DPP4: variants seen among roughly 807,000 people sequenced by gnomAD.
The protein encoded by DPP4 is dipeptidyl peptidase 4, also known as ADCP-2.
In DPP4, 93 loss-of-function variants were observed where a neutral mutation model predicts 122.4. The ratio of observed to expected loss-of-function variants is 0.76; its 90% CI spans 0.64 to 0.90. The LOEUF (loss-of-function observed/expected upper bound fraction) is 0.90, where lower values mean the gene tolerates loss of function less well. Among genes scored for constraint, DPP4 ranks in the 40% least tolerant of loss-of-function variants. The pLI is 0.00. For missense variants in DPP4, 914 were observed against 907.3 expected (o/e 1.01, Z -0.09); for synonymous variants, 321 against 302.9 (o/e 1.06, Z -0.62).
intron 2 of DPP4, among the ~76,000 whole-genome samples, chr2:162,072,715 T>TA (rs1177732846): frequency 1.3e-5 from 2 of 152,214 alleles, no homozygotes; most frequent in East Asian, 3.8e-4. Flanking sequence ...TGTGAGTGTT[T>TA]TATACATTTA....
rs1240465683 is a variant in DPP4 at position 162,005,816 on chromosome 2, A to G, written c.1988-7T>C. Reference sequence around the variant, plus strand: ...CGTTCTGTGTACACTGAGTCTGTGAAAGAAAAAAAAATAAAAAAAAGTTTA... The same window carrying G: ...CGTTCTGTGTACACTGAGTCTGTGAGAGAAAAAAAAATAAAAAAAAGTTTA... On this transcript the variant is annotated splice_polypyrimidine_tract_variant and splice_region_variant and intron_variant, in intron 22 of 25. Coordinates refer to ENST00000360534, the MANE Select transcript of DPP4 (RefSeq NM_001935.4). 1 of 1,609,452 alleles carries G rather than the reference A, an allele frequency of 6.2e-7. No individual in the cohort carries two copies. Among genetic ancestry groups the G allele is most frequent in the Non-Finnish European group, 8.5e-7 (1 of 1,178,438 alleles).
At chr2:162,045,789 T>TTCACCCACACAAATGACCGTGATG (rs1684153198) in intron 4 of DPP4, among the ~76,000 whole-genome samples, 177 bp from the exon 5 acceptor site, 1 of 152,086 alleles carries the variant, frequency 6.6e-6, no homozygotes, top group Admixed American at 6.5e-5. Context: ...TAGGTGGCGA[T>TTCACCCACACAAATGACCGTGATG]CAATGTTAGA....
At chr2:162,066,438 C>T (rs1465083204) in intron 2 of DPP4, among the ~76,000 whole-genome samples, 1 of 152,102 alleles carries the variant, frequency 6.6e-6, no homozygotes, top group East Asian at 1.9e-4. Flanking sequence ...CAAAATCATA[C>T]TTGGAATAAG....
At chr2:162,073,293 G>C (rs934690561) in intron 2 of DPP4, 106 bp downstream of exon 2, 2 of 1,093,600 alleles carry the variant, frequency 1.8e-6, no homozygotes, top group African/African-American at 3.1e-5. Context: ...ACACTTCGGG[G>C]CACTGGTCCA....
rs747701215 is a variant in DPP4 at position 162,022,779 on chromosome 2, C to T, written c.1044G>A (p.Met348Ile). Reference protein sequence around the residue: ...NCLVARQHIEMSTTGWVGRFR... With the variant: ...NCLVARQHIEISTTGWVGRFR... ...CTCTTCCAACCCAGCCAGTAGTACTCATTTCAATGTGTTGCCGTGCCTAGG... is the reference window on the plus strand; with the variant it reads ...CTCTTCCAACCCAGCCAGTAGTACTTATTTCAATGTGTTGCCGTGCCTAGG... The change falls in exon 12 of 26, where the codon ATG becomes ATA. Residue 348 changes from methionine to isoleucine, a missense_variant. Transcript: ENST00000360534. 48 of 1,613,894 alleles carry T rather than the reference C, an allele frequency of 3.0e-5. No individual in the cohort carries two copies. Among genetic ancestry groups the T allele is most frequent in the Admixed American group, 1.3e-4 (8 of 60,004 alleles).
intron 22 of DPP4, 139 bp downstream of exon 22, chr2:162,008,423 G>A (rs1030429306): frequency 4.5e-6 from 3 of 664,184 alleles, no homozygotes; most frequent in Non-Finnish European, 7.9e-6. Flanking sequence ...TCTTATTATA[G>A]GTATCCAAAA....
intron 5 of DPP4, among the ~76,000 whole-genome samples, chr2:162,040,016 T>C (rs1340015213): frequency 6.6e-6 from 1 of 152,030 alleles, no homozygotes; most frequent in Non-Finnish European, 1.5e-5. Context: ...TAAGAGGCTA[T>C]TATAAACATT....
intron 2 of DPP4, among the ~76,000 whole-genome samples, chr2:162,052,405 T>C (rs898725253): frequency 8.0e-5 from 12 of 150,156 alleles, no homozygotes; most frequent in Non-Finnish European, 1.6e-4. Context: ...CCTTTCACCA[T>C]GTGGGGATGC....
At chr2:162,051,117 T>C (rs1431735781) in intron 2 of DPP4, among the ~76,000 whole-genome samples, 3 of 152,330 alleles carry the variant, frequency 2.0e-5, no homozygotes, top group Non-Finnish European at 4.4e-5. Context: ...CTAAAGCAAC[T>C]ATTAGCTTGA....
intron 2 of DPP4, among the ~76,000 whole-genome samples, chr2:162,063,842 CCTT>C (rs1198754108): frequency 2.6e-5 from 4 of 152,034 alleles, no homozygotes; most frequent in Non-Finnish European, 4.4e-5. Flanking sequence ...AAGACAGTTT[CCTT>C]CTTATTTTTT....
chr2:161,995,207 TG>T, intron 24 of DPP4, 92 bp downstream of exon 24: 2 of 1,353,114 alleles, frequency 1.5e-6, no homozygotes, highest in Non-Finnish European at 2.1e-6. Flanking sequence ...TTGAAGTAAA[TG>T]TAACAGTCTT....
chr2:162,058,061 C>A (rs1382756964), intron 2 of DPP4, among the ~76,000 whole-genome samples: 1 of 152,186 alleles, frequency 6.6e-6, no homozygotes, highest in African/African-American at 2.4e-5. Flanking sequence ...GCCTGAGCCA[C>A]CATGCCTGGC....
chr2:162,007,668 T>C (rs933609075), intron 22 of DPP4, among the ~76,000 whole-genome samples: 8 of 152,076 alleles, frequency 5.3e-5, no homozygotes, highest in African/African-American at 1.9e-4. Flanking sequence ...AAACAAGCCA[T>C]CCAACAGAAC....
Position 162,035,269 on chromosome 2 carries a change from TA to T in DPP4, c.668del (p.Leu223Ter). 1.2e-6 allele frequency: 2 copies of T among 1,613,942 alleles called. No individual in the cohort carries two copies. The highest frequency in any genetic ancestry group is 8.5e-7 in the Non-Finnish European group (1 of 1,179,940). Reference sequence around the variant, plus strand: ...CTGTGTCGTTAAATTGGGCATATGCTAAAAAAGTGCCGTTTGGAGACCACCA... The same window carrying T: ...CTGTGTCGTTAAATTGGGCATATGCTAAAAAGTGCCGTTTGGAGACCACCA... ...ALWWSPNGTFLAYAQFNDTEV... is the reference protein window; with the variant it reads ...ALWWSPNGTFXAYAQFNDTEV... On this transcript the variant is annotated frameshift_variant, in exon 9 of 26. Transcript: ENST00000360534. LOFTEE classifies it high-confidence loss of function.
At chr2:162,059,743 C>G (rs1259169590) in intron 2 of DPP4, among the ~76,000 whole-genome samples, 2 of 152,166 alleles carry the variant, frequency 1.3e-5, no homozygotes, top group Non-Finnish European at 2.9e-5. Context: ...TATTGGAAAA[C>G]AAAACTGCCA....
intron 22 of DPP4, 41 bp downstream of exon 22, chr2:162,008,521 C>T: frequency 6.4e-7 from 1 of 1,560,040 alleles, no homozygotes; most frequent in Non-Finnish European, 8.8e-7. Flanking sequence ...ATTTTGAGGT[C>T]AACACTCCGT....
rs76076972 is a variant in DPP4 at position 162,013,679 on chromosome 2, T to TG, written c.1637+716dup. ...AAGCACCTGGCATTCGGCAGGTCCC[T>TG]GCACTAGTGTTGTTTCATTTTGTTT... On this transcript the variant is annotated intron_variant, in intron 19 of 25. Coordinates refer to ENST00000360534, the MANE Select transcript of DPP4 (RefSeq NM_001935.4). Among the ~76,000 whole-genome samples the TG allele has an allele frequency of 0.012, 1,769 of 152,280 alleles. 73 individuals are homozygous for TG. The East Asian group carries it at 0.12, about 11-fold the overall frequency.
intron 10 of DPP4, among the ~76,000 whole-genome samples, chr2:162,027,502 T>G (rs1404607738): frequency 3.3e-5 from 5 of 152,140 alleles, no homozygotes. Context: ...GACAATCTGA[T>G]GAAACTGATG....
chr2:162,066,345 C>T (rs1009722709), intron 2 of DPP4, among the ~76,000 whole-genome samples: 3 of 152,098 alleles, frequency 2.0e-5, no homozygotes, highest in Admixed American at 6.5e-5. Flanking sequence ...CAACCCCAAA[C>T]TACTATCCAC....
Sources: allele counts gnomAD v4.1 joint callset (sites outside exome capture counted in the v4.1 genomes callset), GRCh38; gene constraint gnomAD v4.1.1; transcripts MANE v1.5; gene names NCBI Gene and HGNC (gene_info 2026-07-23, HGNC 2026-07-21).